MTMR2: variants seen among roughly 807,000 people sequenced by gnomAD.
MTMR2 encodes the protein phosphatidylinositol-3,5-bisphosphate 3-phosphatase MTMR2.
A neutral mutation model predicts 86.9 loss-of-function variants in MTMR2; 55 were observed. That is an observed-to-expected ratio of 0.63 (90% CI 0.51 to 0.79). The LOEUF (loss-of-function observed/expected upper bound fraction) is 0.79, where lower values mean the gene tolerates loss of function less well. Among genes scored for constraint, MTMR2 ranks in the 30% least tolerant of loss-of-function variants. The pLI is 0.00. For synonymous variants in MTMR2, 241 were observed against 266.8 expected (o/e 0.90, Z 0.94); for missense variants, 659 against 772.3 (o/e 0.85, Z 1.74).
intron 12 of MTMR2, among the ~76,000 whole-genome samples, chr11:95,840,582 C>G (rs1192591451): frequency 1.3e-5 from 2 of 152,090 alleles, no homozygotes; most frequent in Admixed American, 6.6e-5. Context: ...TGCTAAAATA[C>G]TAGTCTCATC....
intron 2 of MTMR2, among the ~76,000 whole-genome samples, chr11:95,873,833 T>C (rs1357226611): frequency 2.0e-5 from 3 of 152,230 alleles, no homozygotes; most frequent in African/African-American, 7.2e-5. Flanking sequence ...TCTTTATTTC[T>C]GCCTTCATTT....
At chr11:95,902,930 T>G (rs185757451) in intron 1 of MTMR2, among the ~76,000 whole-genome samples, 92 of 152,316 alleles carry the variant, frequency 6.0e-4, no homozygotes, top group Middle Eastern at 3.4e-3. Context: ...TGACATCATT[T>G]GCCTGTCTCT....
intron 2 of MTMR2, 49 bp from the exon 3 acceptor site, chr11:95,865,725 C>G (rs1864590879): frequency 6.9e-7 from 1 of 1,445,874 alleles, no homozygotes; most frequent in South Asian, 1.1e-5. Context: ...TCAAAGGCTA[C>G]TTTTTCACTC....
intron 12 of MTMR2, 101 bp from the exon 13 acceptor site, chr11:95,838,308 T>A: frequency 1.4e-6 from 1 of 726,680 alleles, no homozygotes; most frequent in South Asian, 1.4e-5. Context: ...AAAATGAAGT[T>A]AAACATTCAA....
At chr11:95,837,619 T>C (rs532471978) in intron 13 of MTMR2, among the ~76,000 whole-genome samples, 1 of 152,158 alleles carries the variant, frequency 6.6e-6, no homozygotes, top group East Asian at 1.9e-4. Flanking sequence ...ATACTATCTT[T>C]TCCGTATTTG....
intron 3 of MTMR2, among the ~76,000 whole-genome samples, chr11:95,864,600 T>C (rs1211304566): frequency 6.6e-6 from 1 of 152,136 alleles, no homozygotes; most frequent in African/African-American, 2.4e-5. Context: ...TATCATTATA[T>C]AATAGCCAAT....
chr11:95,914,170 T>C (rs1284448652), intron 1 of MTMR2: 3 of 977,130 alleles, frequency 3.1e-6, no homozygotes, highest in African/African-American at 3.5e-5. Context: ...TGGGATAATA[T>C]ATAATCCAGA....
At position 95,888,149 on chromosome 11, in the gene MTMR2, T is replaced by G; in HGVS notation, c.186+7A>C. 1 of 1,572,338 alleles carries G rather than the reference T, an allele frequency of 6.4e-7. No homozygotes were observed. Among genetic ancestry groups the G allele is most frequent in the East Asian group, 2.2e-5 (1 of 44,678 alleles). On this transcript the variant is annotated splice_region_variant and intron_variant, in intron 2 of 14. Coordinates refer to ENST00000346299, the MANE Select transcript of MTMR2 (RefSeq NM_016156.6). ...ACTTCATCAGAACTTTAAAATAGTATACATACCCTCAAATCAGGAGAAAAG... is the reference window on the plus strand; with the variant it reads ...ACTTCATCAGAACTTTAAAATAGTAGACATACCCTCAAATCAGGAGAAAAG...
chr11:95,904,848 G>A (rs1866197896), intron 1 of MTMR2, among the ~76,000 whole-genome samples: 1 of 152,162 alleles, frequency 6.6e-6, no homozygotes, highest in South Asian at 2.1e-4. Flanking sequence ...TTGGGGTCTG[G>A]ATCAGGACCC....
intron 2 of MTMR2, among the ~76,000 whole-genome samples, chr11:95,883,241 T>C (rs1053777551): frequency 2.0e-5 from 3 of 152,176 alleles, no homozygotes; most frequent in South Asian, 2.1e-4. Context: ...AGCTGTGCAT[T>C]TGAATTTTAA....
At chr11:95,850,577 G>A in intron 8 of MTMR2, 23 bp downstream of exon 8, 2 of 1,591,154 alleles carry the variant, frequency 1.3e-6, no homozygotes, top group Non-Finnish European at 1.7e-6. Context: ...ACTTGCAAAG[G>A]CTCATCCAAA....
At chr11:95,862,144 T>C in intron 4 of MTMR2, 42 bp from the exon 5 acceptor site, 1 of 1,560,178 alleles carries the variant, frequency 6.4e-7, no homozygotes, top group Non-Finnish European at 8.8e-7. Flanking sequence ...GAGCAATTAA[T>C]ACTGTCCAAT....
At chr11:95,849,121 C>T (rs1863916495) in intron 9 of MTMR2, among the ~76,000 whole-genome samples, 1 of 152,110 alleles carries the variant, frequency 6.6e-6, no homozygotes. Context: ...CTTCCCTCCT[C>T]CTATAGATTT....
intron 7 of MTMR2, 71 bp downstream of exon 7, chr11:95,857,481 G>T: frequency 9.2e-7 from 1 of 1,084,420 alleles, no homozygotes; most frequent in Non-Finnish European, 1.4e-6. Context: ...TTTCGTACAT[G>T]GTTCCACCCA....
chr11:95,840,980 A>G (rs937441170), intron 12 of MTMR2, among the ~76,000 whole-genome samples: 1 of 152,166 alleles, frequency 6.6e-6, no homozygotes, highest in East Asian at 1.9e-4. Context: ...TTTTAAGACA[A>G]TGACCCGTTG....
At chr11:95,919,089 C>G (rs1395361695) in intron 1 of MTMR2, among the ~76,000 whole-genome samples, 1 of 152,186 alleles carries the variant, frequency 6.6e-6, no homozygotes, top group Non-Finnish European at 1.5e-5. Flanking sequence ...CCAAACTGTT[C>G]AGCCTCCTAA....
chr11:95,838,112 T>G lies in MTMR2; in HGVS notation c.1575A>C (p.Glu525Asp). 6.2e-7 allele frequency: 1 copy of G among 1,601,940 alleles called. No individual in the cohort carries two copies. The highest frequency in any genetic ancestry group is 8.6e-7 in the Non-Finnish European group (1 of 1,169,322). The part of the protein sequence containing the change: ...CLFGTFLCNS[E>D]QQRGKENLPK... The stretch of plus-strand genomic sequence containing the variant: ...ATTTTACCTCTTTTCCTCTCTGTTG[T>G]TCACTATTACAGAGGAATGTTCCGA... The change falls in exon 13 of 15, where the codon GAA becomes GAC. Residue 525 changes from glutamate to aspartate, a missense_variant. Coordinates refer to ENST00000346299, the MANE Select transcript of MTMR2 (RefSeq NM_016156.6).
intron 1 of MTMR2, among the ~76,000 whole-genome samples, chr11:95,900,767 CCAGA>C (rs778458911): frequency 9.2e-5 from 14 of 152,108 alleles, no homozygotes; most frequent in South Asian, 2.1e-4. Context: ...TTACACAATA[CCAGA>C]CATTTAGTAG....
chr11:95,838,195 A>G lies in MTMR2; in HGVS notation c.1492T>C (p.Phe498Leu). 1 of 1,592,154 alleles carries G rather than the reference A, an allele frequency of 6.3e-7. No individual in the cohort carries two copies. Among genetic ancestry groups the G allele is most frequent in the Non-Finnish European group, 8.6e-7 (1 of 1,160,528 alleles). Residue 498 changes from phenylalanine (F) to leucine (L), a missense_variant, in exon 13 of 15, where the codon TTT becomes CTT. Phe to Leu is a conservative substitution (Grantham distance 22). Transcript: ENST00000346299. ...ATGAGAAAATACTCATTGAATTCAAATGCGGTAGGAAACTGCAAATCAAAC... is the reference window on the plus strand; with the variant it reads ...ATGAGAAAATACTCATTGAATTCAAGTGCGGTAGGAAACTGCAAATCAAAC... ...WQMTRQFPTA[F>L]EFNEYFLITI...
Sources: gnomAD v4.1 joint callset for allele counts (sites outside exome capture counted in the v4.1 genomes callset) on GRCh38, gnomAD v4.1.1 for gene constraint, MANE v1.5 for transcripts, NCBI Gene and HGNC (gene_info 2026-07-23, HGNC 2026-07-21) for gene names.